TMPRSS6: variants seen among roughly 807,000 people sequenced by gnomAD.
TMPRSS6 encodes transmembrane protease serine 6.
Under a neutral mutation model 101.5 loss-of-function variants are expected in TMPRSS6, and 67 were observed. That is an observed-to-expected ratio of 0.66 (90% CI 0.54 to 0.81). TMPRSS6 has a LOEUF of 0.81. TMPRSS6 is among the 30% of genes least tolerant of loss of function. TMPRSS6 has a pLI of 0.00. For missense variants in TMPRSS6, 1,034 were observed against 1,088.7 expected (o/e 0.95, Z 0.71); for synonymous variants, 453 against 464.9 (o/e 0.97, Z 0.33).
At chr22:37,074,765 C>A (rs1361465012) in intron 11 of TMPRSS6, 57 bp from the exon 12 acceptor site, 4 of 1,571,468 alleles carry the variant, frequency 2.5e-6, no homozygotes, top group Non-Finnish European at 3.5e-6. Context: ...CCATGCGTAG[C>A]CGCGAAGGCG....
intron 10 of TMPRSS6, chr22:37,080,085 C>T (rs969605000): frequency 6.6e-6 from 1 of 152,350 alleles, no homozygotes; most frequent in Non-Finnish European, 1.5e-5. Flanking sequence ...GAGGCAGGTT[C>T]CCGGAAAGGG....
intron 16 of TMPRSS6, chr22:37,068,517 C>T: frequency 1.3e-6 from 1 of 751,620 alleles, no homozygotes; most frequent in Non-Finnish European, 2.5e-6. Context: ...GGGGAGAGAC[C>T]CTGTTTCTGA....
At chr22:37,100,930 G>A (rs548787585) in intron 2 of TMPRSS6, among the ~76,000 whole-genome samples, 1 of 152,318 alleles carries the variant, frequency 6.6e-6, no homozygotes, top group East Asian at 1.9e-4. Context: ...GGAGGTGGGG[G>A]TGAGCCCCCG....
chr22:37,079,060 C>G (rs1309717682), intron 10 of TMPRSS6, among the ~76,000 whole-genome samples: 1 of 148,596 alleles, frequency 6.7e-6, no homozygotes, highest in African/African-American at 2.4e-5. Flanking sequence ...CACCACTGGA[C>G]TACCCTACCC....
intron 7 of TMPRSS6, among the ~76,000 whole-genome samples, chr22:37,087,399 G>A (rs1928871669): frequency 6.6e-6 from 1 of 152,214 alleles, no homozygotes; most frequent in African/African-American, 2.4e-5. Flanking sequence ...GAGTACCTGA[G>A]CTCCTCCAAG....
rs185627005 is a variant in TMPRSS6 at position 37,075,388 on chromosome 22, C to T, written c.1197-108G>A. 1.3e-4 allele frequency: 194 copies of T among 1,444,360 alleles called. 1 individual carries two copies. Among genetic ancestry groups the T allele is most frequent in the East Asian group, 1.1e-3 (45 of 42,388 alleles). The allele number at this position is 1,444,360 out of a possible 1,614,324, so 89.5% of individuals were successfully genotyped here. ...AGAGGGGCAGGGGGAGCTGCACGCC[C>T]GCTGTGCCTCCTCTGCCCTGATTTC... On this transcript the variant is annotated intron_variant, in intron 10 of 17. Transcript: ENST00000676104.
intron 10 of TMPRSS6, among the ~76,000 whole-genome samples, chr22:37,076,587 C>T (rs987017956): frequency 9.2e-5 from 14 of 152,280 alleles, no homozygotes; most frequent in Admixed American, 6.5e-4. Context: ...GCAGAGAGTC[C>T]GGTGCACCTC....
chr22:37,086,222 T>C, intron 8 of TMPRSS6, 61 bp downstream of exon 8: 1 of 1,610,412 alleles, frequency 6.2e-7, no homozygotes, highest in South Asian at 1.1e-5. Flanking sequence ...GTGAGCCCAG[T>C]GGAGGGCCCT....
At chr22:37,067,627 G>A (rs1371554883) in intron 16 of TMPRSS6, among the ~76,000 whole-genome samples, 3 of 152,156 alleles carry the variant, frequency 2.0e-5, no homozygotes, top group Non-Finnish European at 4.4e-5. Context: ...GCCCACATCT[G>A]ATCCCTTCAT....
chr22:37,075,900 C>CA (rs547360489), intron 10 of TMPRSS6, among the ~76,000 whole-genome samples: 1 of 121,056 alleles, frequency 8.3e-6, no homozygotes, highest in South Asian at 2.7e-4. Flanking sequence ...GAAAGTACGT[C>CA]AAAAAAAGAA....
chr22:37,072,233 TGATGGATGGATGGATGATG>T (rs1280556591), intron 13 of TMPRSS6, among the ~76,000 whole-genome samples: 2 of 58,556 alleles, frequency 3.4e-5, no homozygotes, highest in Admixed American at 1.3e-4. Context: ...GATGGATGGA[TGATGGATGGATGGATGATG>T]GATGGATGGA....
intron 17 of TMPRSS6, 39 bp from the exon 18 acceptor site, chr22:37,066,277 G>A (rs1926278936): frequency 6.4e-7 from 1 of 1,563,636 alleles, no homozygotes; most frequent in Non-Finnish European, 8.7e-7. Flanking sequence ...AGCAGGGTAA[G>A]GGCACCCCCT....
Position 37,074,664 on chromosome 22 carries a change from G to C in TMPRSS6, c.1387C>G (p.Pro463Ala). Residue 463 changes from proline (P) to alanine (A), a missense_variant, in exon 12 of 18, where the codon CCT (proline) becomes GCT (alanine). By Grantham distance (27) the Pro-to-Ala change is conservative. Coordinates refer to ENST00000676104, the MANE Select transcript of TMPRSS6 (RefSeq NM_001374504.1). ...CAGTCCTTGACCCCATCACAGGCAG[G>C]GACACAGAGTCCATTCACAGAACAG... ...FLCSVNGLCVPACDGVKDCPN... is the reference protein window; with the variant it reads ...FLCSVNGLCVAACDGVKDCPN... 1 of 1,614,158 alleles carries C rather than the reference G, an allele frequency of 6.2e-7. No individual in the cohort carries two copies. Among genetic ancestry groups the C allele is most frequent in the Non-Finnish European group, 8.5e-7 (1 of 1,180,002 alleles).
At chr22:37,082,730 A>G (rs907927887) in intron 10 of TMPRSS6, 4 of 353,998 alleles carry the variant, frequency 1.1e-5, no homozygotes, top group African/African-American at 6.5e-5. Flanking sequence ...CTCCATCAGC[A>G]TATCACCACC....
chr22:37,072,066 TTGGATGGATGATGGA>T (rs1568998752), intron 13 of TMPRSS6, among the ~76,000 whole-genome samples: 1 of 120,842 alleles, frequency 8.3e-6, no homozygotes, highest in East Asian at 2.6e-4. Context: ...TGATGGATGG[TTGGATGGATGATGGA>T]TGGATGGATG....
At chr22:37,089,884 T>C in intron 6 of TMPRSS6, 102 bp from the exon 7 acceptor site, 1 of 1,229,452 alleles carries the variant, frequency 8.1e-7, no homozygotes, top group Admixed American at 2.5e-5. Flanking sequence ...CAGGATGGGC[T>C]GGGCAGGGGA....
At chr22:37,073,026 A>G (rs893457018) in intron 13 of TMPRSS6, among the ~76,000 whole-genome samples, 8 of 147,904 alleles carry the variant, frequency 5.4e-5, no homozygotes, top group Non-Finnish European at 1.0e-4. Flanking sequence ...GGATGGATGG[A>G]TGATGGACGG....
At chr22:37,066,309 G>A (rs1926282942) in intron 17 of TMPRSS6, 71 bp from the exon 18 acceptor site, 2 of 1,440,052 alleles carry the variant, frequency 1.4e-6, no homozygotes, top group East Asian at 4.9e-5. Context: ...AGAGCCATAG[G>A]GATTAAGTCC....
Position 37,073,136 on chromosome 22 carries a change from A to G in TMPRSS6, c.1555+396T>C, listed in dbSNP as rs1257397433. Among the ~76,000 whole-genome samples, 289 of 70,538 alleles carry G rather than the reference A, an allele frequency of 4.1e-3. 3 individuals are homozygous for G. The highest frequency in any genetic ancestry group is 0.023 in the African/African-American group (281 of 12,230). 46.3% of individuals were successfully genotyped at this position (70,538 alleles called of 152,430 possible). A position where few individuals can be genotyped will look rare whatever the true frequency, so the allele number is the denominator to read the frequency against. On this transcript the variant is annotated intron_variant, in intron 13 of 17. Coordinates refer to ENST00000676104, the MANE Select transcript of TMPRSS6 (RefSeq NM_001374504.1). The stretch of plus-strand genomic sequence containing the variant: ...GGACGGATGGATGATGGATGGGTGG[A>G]TGGGTGGGTGGGTAGATGGGTGGGT...
Sources: gnomAD v4.1 joint callset for allele counts (sites outside exome capture counted in the v4.1 genomes callset) on GRCh38, gnomAD v4.1.1 for gene constraint, MANE v1.5 for transcripts, NCBI Gene and HGNC (gene_info 2026-07-23, HGNC 2026-07-21) for gene names.